Variants in SLC4A10 observed in about 807,000 individuals in gnomAD.
The protein encoded by SLC4A10 is sodium-driven chloride bicarbonate exchanger.
In SLC4A10, 42 loss-of-function variants were observed where a neutral mutation model predicts 137.7. The observed-to-expected ratio is 0.30, with a 90% CI of 0.24 to 0.39. The LOEUF is 0.39. Ranked by LOEUF, SLC4A10 falls within the 10% of genes least tolerant of loss-of-function variation. The pLI is 1.00. For synonymous variants in SLC4A10, 474 were observed against 464.1 expected (o/e 1.02, Z -0.27); for missense variants, 925 against 1,355.0 (o/e 0.68, Z 4.98).
chr2:161,694,409 A>G (rs2042290232), intron 1 of SLC4A10, among the ~76,000 whole-genome samples: 1 of 151,924 alleles, frequency 6.6e-6, no homozygotes, highest in Admixed American at 6.6e-5. Context: ...AAACCTCACA[A>G]TGTTAAAGAA....
chr2:161,671,385 C>T (rs191986169), intron 1 of SLC4A10, among the ~76,000 whole-genome samples: 1 of 152,138 alleles, frequency 6.6e-6, no homozygotes, highest in Non-Finnish European at 1.5e-5. Flanking sequence ...TCATAAGTTG[C>T]CCAGTCTCAG....
intron 15 of SLC4A10, among the ~76,000 whole-genome samples, chr2:161,908,310 A>G (rs1389089055): frequency 6.6e-6 from 1 of 151,924 alleles, no homozygotes; most frequent in African/African-American, 2.4e-5. Context: ...GTAGCTTTAA[A>G]AAATTCTCAG....
intron 1 of SLC4A10, among the ~76,000 whole-genome samples, chr2:161,681,404 A>T (rs1042426343): frequency 2.0e-4 from 31 of 152,218 alleles, no homozygotes; most frequent in African/African-American, 6.8e-4. Flanking sequence ...GGACAGAAAT[A>T]TTAAGTGACT....
chr2:161,772,291 T>C (rs73017133), intron 2 of SLC4A10, among the ~76,000 whole-genome samples: 389 of 152,000 alleles, frequency 2.6e-3, no homozygotes, highest in African/African-American at 8.4e-3. Flanking sequence ...ACAACATATT[T>C]ACCTTCCTAT....
chr2:161,767,400 G>A (rs1490300962), intron 1 of SLC4A10, among the ~76,000 whole-genome samples: 1 of 151,146 alleles, frequency 6.6e-6, no homozygotes, highest in Non-Finnish European at 1.5e-5. Context: ...CTCATAAGTA[G>A]TTAGGAAAAC....
At chr2:161,758,605 T>C (rs7581747) in intron 1 of SLC4A10, among the ~76,000 whole-genome samples, 39,753 of 151,820 alleles carry the variant, frequency 0.26, 7,061 homozygotes, top group African/African-American at 0.51. Context: ...CTTATGTAGG[T>C]CAACTCAGAA....
intron 15 of SLC4A10, among the ~76,000 whole-genome samples, chr2:161,927,098 G>C (rs1011142562): frequency 1.3e-5 from 2 of 152,168 alleles, no homozygotes; most frequent in African/African-American, 4.8e-5. Context: ...GAATCTGAAT[G>C]TTGGCCTGCC....
At chr2:161,708,825 A>C (rs1418058720) in intron 1 of SLC4A10, 7 of 1,532,170 alleles carry the variant, frequency 4.6e-6, no homozygotes, top group Non-Finnish European at 6.1e-6. Flanking sequence ...TCTCTAAGTC[A>C]TCAGGTATGA....
At chr2:161,678,324 A>AT (rs1459917858) in intron 1 of SLC4A10, among the ~76,000 whole-genome samples, 1 of 152,124 alleles carries the variant, frequency 6.6e-6, no homozygotes, top group African/African-American at 2.4e-5. Context: ...AAACTTGGCC[A>AT]TTTTTGCTAT....
At chr2:161,642,263 C>T (rs947604183) in intron 1 of SLC4A10, among the ~76,000 whole-genome samples, 100 of 151,826 alleles carry the variant, frequency 6.6e-4, no homozygotes, top group Non-Finnish European at 1.5e-4. Context: ...AGATTGAATC[C>T]TAGAACCTAA....
chr2:161,823,812 GA>G (rs1304082379), intron 3 of SLC4A10, among the ~76,000 whole-genome samples: 1 of 152,206 alleles, frequency 6.6e-6, no homozygotes, highest in African/African-American at 2.4e-5. Flanking sequence ...ATTCTGGGGG[GA>G]AAATGCCACA....
At chr2:161,632,805 A>AT (rs1438480698) in intron 1 of SLC4A10, among the ~76,000 whole-genome samples, 4 of 151,586 alleles carry the variant, frequency 2.6e-5, no homozygotes, top group African/African-American at 9.7e-5. Flanking sequence ...AAGCTTGAGA[A>AT]TTTTTGCCTT....
At chr2:161,726,412 C>A (rs1017894710) in intron 1 of SLC4A10, among the ~76,000 whole-genome samples, 6 of 152,042 alleles carry the variant, frequency 3.9e-5, no homozygotes, top group Non-Finnish European at 8.8e-5. Flanking sequence ...TTTTCTAAAC[C>A]GCTCCTCTCC....
At chr2:161,789,311 C>A (rs2053965764) in intron 2 of SLC4A10, among the ~76,000 whole-genome samples, 1 of 152,172 alleles carries the variant, frequency 6.6e-6, no homozygotes, top group Non-Finnish European at 1.5e-5. Context: ...GCACCCCAAC[C>A]TATCCTTTAC....
chr2:161,775,615 A>G (rs970594535), intron 2 of SLC4A10, among the ~76,000 whole-genome samples: 4 of 151,876 alleles, frequency 2.6e-5, no homozygotes, highest in African/African-American at 9.7e-5. Flanking sequence ...ACTGAGCCTT[A>G]AACTCCAGGG....
intron 1 of SLC4A10, among the ~76,000 whole-genome samples, chr2:161,695,917 T>A (rs1197581585): frequency 6.6e-6 from 1 of 152,194 alleles, no homozygotes; most frequent in East Asian, 1.9e-4. Context: ...TTTTCTTTTT[T>A]ATTTTTTTAT....
At chr2:161,962,133 A>C (rs1043828996) in intron 21 of SLC4A10, among the ~76,000 whole-genome samples, 2 of 152,248 alleles carry the variant, frequency 1.3e-5, no homozygotes, top group Non-Finnish European at 1.5e-5. Flanking sequence ...ACCCTATTGA[A>C]GGAATCTATG....
At chr2:161,879,681 CAA>C (rs1297792474) in intron 9 of SLC4A10, among the ~76,000 whole-genome samples, 1 of 151,054 alleles carries the variant, frequency 6.6e-6, no homozygotes, top group African/African-American at 2.4e-5. Flanking sequence ...TCAAAAACAG[CAA>C]AGTTACTAAG....
intron 2 of SLC4A10, among the ~76,000 whole-genome samples, chr2:161,772,400 G>GA (rs1203875563): frequency 1.3e-5 from 2 of 151,518 alleles, no homozygotes; most frequent in Admixed American, 6.6e-5. Context: ...TCAATTCCAA[G>GA]AAAAAATCAT....
Sources: allele counts gnomAD v4.1 joint callset (sites outside exome capture counted in the v4.1 genomes callset), GRCh38; gene constraint gnomAD v4.1.1; transcripts MANE v1.5; gene names NCBI Gene and HGNC (gene_info 2026-07-23, HGNC 2026-07-21).